ARID1B: variants seen among roughly 807,000 people sequenced by gnomAD.
ARID1B encodes AT-rich interaction domain 1B.
Under a neutral mutation model 212.3 loss-of-function variants are expected in ARID1B, and 30 were observed. The observed-to-expected ratio is 0.14, with a 90% confidence interval of 0.11 to 0.19. The LOEUF (loss-of-function observed/expected upper bound fraction) is 0.19, where lower values mean the gene tolerates loss of function less well. Among genes scored for constraint, ARID1B ranks in the 10% least tolerant of loss-of-function variants. The pLI is 1.00. For missense variants in ARID1B, 2,891 were observed against 3,204.0 expected (o/e 0.90, Z 2.36); for synonymous variants, 1,402 against 1,301.7 (o/e 1.08, Z -1.66).
At chr6:156,978,448 T>C (rs1419644206) in intron 4 of ARID1B, among the ~76,000 whole-genome samples, 1 of 152,234 alleles carries the variant, frequency 6.6e-6, no homozygotes, top group Non-Finnish European at 1.5e-5. Context: ...ATTAGGAGAA[T>C]AGAATCTAAC....
intron 4 of ARID1B, among the ~76,000 whole-genome samples, chr6:156,953,354 T>C (rs1339535558): frequency 1.3e-5 from 2 of 152,246 alleles, no homozygotes; most frequent in African/African-American, 2.4e-5. Flanking sequence ...GTAGCAGTTA[T>C]AGAGGTGGTT....
At chr6:156,897,212 GCTGCTGCTTCTTCTTCTTCTTCTT>G (rs1388527444) in intron 2 of ARID1B, among the ~76,000 whole-genome samples, 65 of 70,036 alleles carry the variant, frequency 9.3e-4, no homozygotes, top group African/African-American at 2.9e-3. Flanking sequence ...TGCTGCTGCT[GCTGCTGCTTCTTCTTCTTCTTCTT>G]CTTCTTCTTC....
intron 4 of ARID1B, among the ~76,000 whole-genome samples, chr6:157,040,489 T>C (rs1781816917): frequency 6.6e-6 from 1 of 152,246 alleles, no homozygotes; most frequent in Non-Finnish European, 1.5e-5. Context: ...CTGTACTTTT[T>C]TTCCTACTAA....
chr6:156,815,813 A>C (rs1391432116), intron 1 of ARID1B, among the ~76,000 whole-genome samples: 1 of 152,204 alleles, frequency 6.6e-6, no homozygotes, highest in Non-Finnish European at 1.5e-5. Context: ...TATTAGTGAC[A>C]CTTTGCTTGT....
At chr6:157,179,259 A>C (rs533347456) in intron 11 of ARID1B, among the ~76,000 whole-genome samples, 1 of 152,144 alleles carries the variant, frequency 6.6e-6, no homozygotes, top group Non-Finnish European at 1.5e-5. Context: ...CTCCATACTA[A>C]AATTTAGGAA....
At chr6:156,892,727 A>G (rs771773530) in intron 2 of ARID1B, among the ~76,000 whole-genome samples, 15 of 152,146 alleles carry the variant, frequency 9.9e-5, no homozygotes, top group Admixed American at 2.0e-4. Flanking sequence ...GATTTCTGTC[A>G]CAATAAGTTG....
chr6:156,914,330 G>C (rs1268532930), intron 3 of ARID1B, among the ~76,000 whole-genome samples: 1 of 152,184 alleles, frequency 6.6e-6, no homozygotes, highest in Admixed American at 6.5e-5. Flanking sequence ...CTGTTATTCA[G>C]CCTGATGGGT....
intron 4 of ARID1B, among the ~76,000 whole-genome samples, chr6:157,010,511 C>T (rs575670330): frequency 9.9e-5 from 15 of 151,838 alleles, no homozygotes; most frequent in African/African-American, 2.9e-4. Context: ...TTAGTAGAGA[C>T]GGAGTTTCAC....
At chr6:157,113,216 C>T (rs551108415) in intron 6 of ARID1B, among the ~76,000 whole-genome samples, 8 of 152,238 alleles carry the variant, frequency 5.3e-5, no homozygotes, top group Admixed American at 1.3e-4. Flanking sequence ...CCACCGCACC[C>T]GGCCATGACC....
At chr6:157,188,265 G>C (rs1401845881) in intron 13 of ARID1B, among the ~76,000 whole-genome samples, 1 of 152,144 alleles carries the variant, frequency 6.6e-6, no homozygotes, top group South Asian at 2.1e-4. Flanking sequence ...GCATCTCTGA[G>C]AACTTCTCTA....
chr6:156,944,925 C>CT (rs543626936), intron 4 of ARID1B, among the ~76,000 whole-genome samples: 19,123 of 135,346 alleles, frequency 0.14, 1,994 homozygotes, highest in African/African-American at 0.28. Flanking sequence ...TTTTCTTTTC[C>CT]TTTTTTTTTT....
At chr6:157,134,775 A>G (rs1447589044) in intron 7 of ARID1B, among the ~76,000 whole-genome samples, 1 of 152,170 alleles carries the variant, frequency 6.6e-6, no homozygotes, top group Non-Finnish European at 1.5e-5. Context: ...AGTTGGAAAA[A>G]CGGTTTGTAA....
intron 1 of ARID1B, among the ~76,000 whole-genome samples, chr6:156,796,787 G>C (rs1009008151): frequency 1.3e-5 from 2 of 152,208 alleles, no homozygotes; most frequent in Non-Finnish European, 2.9e-5. Flanking sequence ...AGTGTGTGGG[G>C]CTGGGGGAAG....
chr6:156,918,797 G>A (rs1790560938), intron 3 of ARID1B, among the ~76,000 whole-genome samples: 1 of 152,142 alleles, frequency 6.6e-6, no homozygotes. Context: ...TAGGCTGCAG[G>A]AGCCACCAGC....
chr6:157,012,377 C>T (rs2356046), intron 4 of ARID1B, among the ~76,000 whole-genome samples: 36,263 of 152,048 alleles, frequency 0.24, 4,929 homozygotes, highest in Non-Finnish European at 0.31. Context: ...GGGAGTGGGC[C>T]GATAAGGCAG....
chr6:156,804,683 T>C (rs188770175), intron 1 of ARID1B, among the ~76,000 whole-genome samples: 1 of 152,150 alleles, frequency 6.6e-6, no homozygotes, highest in Admixed American at 6.5e-5. Flanking sequence ...TCCCCATGAT[T>C]CAATCACCTC....
chr6:157,109,325 G>T (rs1208234798), intron 5 of ARID1B, among the ~76,000 whole-genome samples: 1 of 152,212 alleles, frequency 6.6e-6, no homozygotes, highest in Non-Finnish European at 1.5e-5. Context: ...CAATATGCCT[G>T]ACTATGAAGC....
intron 2 of ARID1B, among the ~76,000 whole-genome samples, chr6:156,885,274 T>G (rs543946882): frequency 2.0e-5 from 3 of 152,332 alleles, no homozygotes; most frequent in African/African-American, 7.2e-5. Flanking sequence ...GTCTATTGAC[T>G]TAATTTCAGA....
At chr6:156,899,580 G>A (rs1243285311) in intron 2 of ARID1B, among the ~76,000 whole-genome samples, 1 of 152,064 alleles carries the variant, frequency 6.6e-6, no homozygotes, top group Non-Finnish European at 1.5e-5. Flanking sequence ...CTCCAGTGAA[G>A]ATTTCTTAGC....
Sources: gnomAD v4.1 joint callset for allele counts (sites outside exome capture counted in the v4.1 genomes callset) on GRCh38, gnomAD v4.1.1 for gene constraint, MANE v1.5 for transcripts, NCBI Gene and HGNC (gene_info 2026-07-23, HGNC 2026-07-21) for gene names.